The following VEGFC variants were observed in gnomAD, a reference collection of about 807,000 sequenced individuals.
The protein encoded by VEGFC is vascular endothelial growth factor C, also known as FLT4 ligand DHM.
A neutral mutation model predicts 46.1 loss-of-function variants in VEGFC; 12 were observed. That is an observed-to-expected ratio of 0.26 (90% confidence interval 0.17 to 0.42). The LOEUF (loss-of-function observed/expected upper bound fraction) is 0.42, where lower values mean the gene tolerates loss of function less well. VEGFC is among the 10% of genes least tolerant of loss of function. The probability of loss-of-function intolerance (pLI) is 1.00; values close to 1 mark genes in which losing one functional copy is unlikely to be tolerated. For missense variants in VEGFC, 488 were observed against 529.4 expected (o/e 0.92, Z 0.77); for synonymous variants, 232 against 195.5 (o/e 1.19, Z -1.56).
chr4:176,699,674 T>G (rs1043455503), intron 4 of VEGFC, among the ~76,000 whole-genome samples: 1 of 152,226 alleles, frequency 6.6e-6, no homozygotes, highest in Non-Finnish European at 1.5e-5. Context: ...CACTTGACTA[T>G]GTACACAGAG....
intron 3 of VEGFC, among the ~76,000 whole-genome samples, chr4:176,716,584 G>GAAAAAAAAAAAAAAAAA (rs57274087): frequency 2.4e-3 from 107 of 43,702 alleles, no homozygotes; most frequent in East Asian, 3.3e-3. Flanking sequence ...CTCCCTCTCC[G>GAAAAAAAAAAAAAAAAA]AAAAAAAAAA....
Position 176,773,161 on chromosome 4 carries a change from A to G in VEGFC, c.147+19004T>C, listed in dbSNP as rs192279891. Among the ~76,000 whole-genome samples, 41 of 152,290 alleles carry G rather than the reference A, an allele frequency of 2.7e-4. No individual in the cohort carries two copies. In the East Asian group the frequency reaches 7.2e-3, roughly 27 times the overall value. On this transcript the variant is annotated intron_variant, in intron 1 of 6. Coordinates refer to ENST00000618562, the MANE Select transcript of VEGFC (RefSeq NM_005429.5). ...TAAGGCAACAACCTCCTCTCTCACT[A>G]TTCTTTCTTCCTTGAAATCAGACAT...
Position 176,711,616 on chromosome 4 carries a change from G to T in VEGFC, c.587C>A (p.Pro196His). The change falls in exon 4 of 7, where the codon CCC becomes CAC. Residue 196 changes from proline to histidine, a missense_variant. Coordinates refer to ENST00000618562, the MANE Select transcript of VEGFC (RefSeq NM_005429.5). Reference protein sequence around the residue: ...FEITVPLSQGPKPVTISFANH... With the variant: ...FEITVPLSQGHKPVTISFANH... Reference sequence around the variant, plus strand: ...GGCAAAACTGATTGTTACTGGTTTGGGGCCTTGAGAGAGAGGCACTGTAAT... The same window carrying T: ...GGCAAAACTGATTGTTACTGGTTTGTGGCCTTGAGAGAGAGGCACTGTAAT... 6 of 1,613,562 alleles carry T rather than the reference G, an allele frequency of 3.7e-6. No individual in the cohort carries two copies. The highest frequency in any genetic ancestry group is 5.1e-6 in the Non-Finnish European group (6 of 1,179,680).
At chr4:176,729,820 T>C (rs1734932271) in intron 1 of VEGFC, 74 bp from the exon 2 acceptor site, 6 of 1,137,578 alleles carry the variant, frequency 5.3e-6, no homozygotes, top group Non-Finnish European at 2.4e-6. Context: ...ATAAAACGGT[T>C]AGGTTTAATA....
chr4:176,778,281 C>T (rs553707961), intron 1 of VEGFC, among the ~76,000 whole-genome samples: 1 of 152,246 alleles, frequency 6.6e-6, no homozygotes, highest in Admixed American at 6.5e-5. Context: ...TGCTGGCAAG[C>T]TCTGATGACT....
At chr4:176,783,874 A>T (rs1735954444) in intron 1 of VEGFC, among the ~76,000 whole-genome samples, 1 of 152,152 alleles carries the variant, frequency 6.6e-6, no homozygotes, top group African/African-American at 2.4e-5. Flanking sequence ...TTATAATTTT[A>T]AAAATTTAAT....
chr4:176,790,413 G>A (rs73013161), intron 1 of VEGFC, among the ~76,000 whole-genome samples: 2 of 152,206 alleles, frequency 1.3e-5, no homozygotes, highest in African/African-American at 4.8e-5. Context: ...CACAGCAATG[G>A]TAAAATTTGC....
chr4:176,766,508 C>A (rs892735088), intron 1 of VEGFC, among the ~76,000 whole-genome samples: 8 of 151,142 alleles, frequency 5.3e-5, no homozygotes, highest in African/African-American at 1.9e-4. Flanking sequence ...GACTGCTGGA[C>A]CCTGAGAGAT....
intron 1 of VEGFC, among the ~76,000 whole-genome samples, chr4:176,748,629 C>T (rs1268686703): frequency 1.3e-5 from 2 of 151,928 alleles, no homozygotes; most frequent in Non-Finnish European, 2.9e-5. Flanking sequence ...GCACTTTTTA[C>T]AATTAAGACT....
At position 176,727,988 on chromosome 4, in the gene VEGFC, T is replaced by C; in HGVS notation, c.362-20A>G. The C allele has an allele frequency of 6.4e-7, 1 of 1,558,374 alleles. No individual in the cohort carries two copies. The highest frequency in any genetic ancestry group is 1.7e-4 in the Middle Eastern group (1 of 5,814). On this transcript the variant is annotated intron_variant, in intron 2 of 6. Coordinates refer to ENST00000618562, the MANE Select transcript of VEGFC (RefSeq NM_005429.5). ...CAATACCTGTCAAGTCATAGGGAAA[T>C]CAGTAAGTTTTACGGAAACCACCAA...
Position 176,687,846 on chromosome 4 carries a change from A to G in VEGFC, c.786T>C (p.Phe262=), listed in dbSNP as rs1734073455. The change falls in exon 5 of 7, where the codon TTT becomes TTC. Residue 262 remains phenylalanine (F), a synonymous_variant. Transcript: ENST00000618562. The part of the protein sequence containing the change: ...HICRCLAQED[F]MFSSDAGDDS... ...CATCTCCAGCATCCGAGGAAAACAT[A>G]AAATCTTCCTGAGCCAGGCATCTGC... The G allele has an allele frequency of 2.5e-6, 4 of 1,613,328 alleles. No homozygotes were observed. The highest frequency in any genetic ancestry group is 2.5e-6 in the Non-Finnish European group (3 of 1,179,672).
chr4:176,719,858 C>T (rs574039076), intron 3 of VEGFC, among the ~76,000 whole-genome samples: 28 of 152,048 alleles, frequency 1.8e-4, no homozygotes, highest in Middle Eastern at 3.2e-3. Flanking sequence ...GTCAGGAGTT[C>T]GAGACCAGCC....
chr4:176,783,252 T>C (rs894821590), intron 1 of VEGFC, among the ~76,000 whole-genome samples: 15 of 152,212 alleles, frequency 9.9e-5, no homozygotes, highest in Non-Finnish European at 1.0e-4. Context: ...AGAGGGTCCC[T>C]TAGGAACAGT....
Position 176,792,270 on chromosome 4 carries a change from G to C in VEGFC, c.42C>G (p.Leu14=). ...GAGGACCCGGGAGCAGCGCAGCGGC[G>C]AGCAGAGAACACGCCACAGAGAAGA... is the stretch of plus-strand genomic sequence containing the variant. ...LGFFSVACSL[L]AAALLPGPRE... Residue 14 remains leucine (L), a synonymous_variant, in exon 1 of 7, where the codon CTC becomes CTG. Coordinates refer to ENST00000618562, the MANE Select transcript of VEGFC (RefSeq NM_005429.5). The surrounding 1 kb of genome is among the most constrained non-coding windows in gnomAD (Gnocchi z 6.3). 5 of 1,552,954 alleles carry C rather than the reference G, an allele frequency of 3.2e-6. No individual in the cohort carries two copies. The highest frequency in any genetic ancestry group is 4.3e-6 in the Non-Finnish European group (5 of 1,151,828).
intron 3 of VEGFC, among the ~76,000 whole-genome samples, chr4:176,716,777 T>C (rs549502734): frequency 1.3e-5 from 2 of 152,068 alleles, no homozygotes; most frequent in African/African-American, 2.4e-5. Flanking sequence ...TGAACTAACA[T>C]AGTAACTAGA....
At chr4:176,719,619 G>A (rs1265118860) in intron 3 of VEGFC, among the ~76,000 whole-genome samples, 2 of 152,106 alleles carry the variant, frequency 1.3e-5, no homozygotes, top group Non-Finnish European at 1.5e-5. Flanking sequence ...CTTGATAAAT[G>A]TTGATTTCGC....
intron 1 of VEGFC, among the ~76,000 whole-genome samples, chr4:176,774,529 A>C (rs1032112144): frequency 4.6e-5 from 7 of 152,190 alleles, no homozygotes; most frequent in African/African-American, 7.2e-5. Flanking sequence ...CTATCTTTGC[A>C]TATGTAAAAT....
intron 4 of VEGFC, among the ~76,000 whole-genome samples, chr4:176,692,887 G>C (rs1046459761): frequency 1.3e-4 from 19 of 146,304 alleles, no homozygotes; most frequent in Non-Finnish European, 2.1e-4. Flanking sequence ...CACACAGCAG[G>C]GTATTCCAAC....
At position 176,713,990 on chromosome 4, in the gene VEGFC, G is replaced by A. The variant is rs544231024; in HGVS notation, c.553-2340C>T. ...GGGCAGGGGCTGTAGGAAGGAAGCA[G>A]CAGTGGAGACGGGGGACAAGAAGAG... On this transcript the variant is annotated intron_variant, in intron 3 of 6. Coordinates refer to ENST00000618562, the MANE Select transcript of VEGFC (RefSeq NM_005429.5). 2.6e-4 allele frequency among the ~76,000 whole-genome samples: 39 copies of A among 152,316 alleles called. No homozygotes were observed. The Middle Eastern group carries it at 0.02, about 80-fold the overall frequency.
Sources: gnomAD v4.1 joint callset for allele counts (sites outside exome capture counted in the v4.1 genomes callset) on GRCh38, gnomAD v4.1.1 for gene constraint, Gnocchi (gnomAD v3.1) non-coding constraint, MANE v1.5 for transcripts, NCBI Gene and HGNC (gene_info 2026-07-23, HGNC 2026-07-21) for gene names.